The following GAB2 variants were observed in gnomAD, a reference collection of about 807,000 sequenced individuals.
GAB2 encodes the protein GRB2 associated binding protein 2.
GAB2 carries 26 observed loss-of-function variants against 65.5 expected under a neutral mutation model. The observed-to-expected ratio is 0.40, with a 90% CI of 0.29 to 0.55. The LOEUF (loss-of-function observed/expected upper bound fraction) is 0.55, where lower values mean the gene tolerates loss of function less well. GAB2 is among the 20% of genes least tolerant of loss of function. The pLI is 0.53. For synonymous variants in GAB2, 321 were observed against 329.6 expected (o/e 0.97, Z 0.28); for missense variants, 884 against 875.8 (o/e 1.01, Z -0.12).
chr11:78,290,929 G>A (rs1866648385), intron 1 of GAB2, among the ~76,000 whole-genome samples: 1 of 152,126 alleles, frequency 6.6e-6, no homozygotes, highest in South Asian at 2.1e-4. Flanking sequence ...AGCAAACTTT[G>A]TTAAGGATGT....
chr11:78,256,853 T>C (rs149036819), intron 2 of GAB2, among the ~76,000 whole-genome samples: 106 of 152,226 alleles, frequency 7.0e-4, no homozygotes, highest in African/African-American at 2.5e-3. Flanking sequence ...GCTGGGGTGT[T>C]TTTGGTACTT....
chr11:78,234,766 T>C (rs1864939976), intron 3 of GAB2, among the ~76,000 whole-genome samples: 1 of 152,088 alleles, frequency 6.6e-6, no homozygotes, highest in Admixed American at 6.5e-5. Context: ...TGAAATCAAG[T>C]AATATAAATC....
rs183382819 is a variant in GAB2 at position 78,389,552 on chromosome 11, C to T, written c.75+28094G>A. 3.5e-3 allele frequency among the ~76,000 whole-genome samples: 530 copies of T among 152,340 alleles called. 5 individuals are homozygous for T. Among genetic ancestry groups the T allele is most frequent in the African/African-American group, 0.011 (477 of 41,578 alleles). On this transcript the variant is annotated intron_variant, in intron 1 of 9. Coordinates refer to ENST00000361507, the MANE Select transcript of GAB2 (RefSeq NM_080491.3). ...CGAACTCCCAACCTCAGGTGATCCACCCACCTCGGCTTCCCAAAGTGCTGG... is the reference window on the plus strand; with the variant it reads ...CGAACTCCCAACCTCAGGTGATCCATCCACCTCGGCTTCCCAAAGTGCTGG...
intron 1 of GAB2, among the ~76,000 whole-genome samples, chr11:78,304,146 T>C (rs1162244176): frequency 6.6e-6 from 1 of 152,140 alleles, no homozygotes; most frequent in Non-Finnish European, 1.5e-5. Flanking sequence ...ATTTCATTTA[T>C]CAAATTTATT....
At chr11:78,395,095 G>A (rs886081565) in intron 1 of GAB2, among the ~76,000 whole-genome samples, 9 of 152,198 alleles carry the variant, frequency 5.9e-5, no homozygotes, top group African/African-American at 2.2e-4. Flanking sequence ...AGAAATATCA[G>A]AGAGAGACTG....
chr11:78,296,933 C>A (rs1174475504), intron 1 of GAB2, among the ~76,000 whole-genome samples: 1 of 152,210 alleles, frequency 6.6e-6, no homozygotes, highest in Non-Finnish European at 1.5e-5. Flanking sequence ...CCTCAAGCTG[C>A]TTTTGTAAGG....
intron 1 of GAB2, among the ~76,000 whole-genome samples, chr11:78,389,939 A>C (rs1856814686): frequency 6.6e-6 from 1 of 151,618 alleles, no homozygotes; most frequent in Non-Finnish European, 1.5e-5. Context: ...ATAATTTTGT[A>C]CATGGATAAG....
At chr11:78,234,516 T>C (rs1864934541) in intron 3 of GAB2, among the ~76,000 whole-genome samples, 1 of 151,130 alleles carries the variant, frequency 6.6e-6, no homozygotes, top group Non-Finnish European at 1.5e-5. Context: ...TTCAGCATCA[T>C]TTGCAGAACA....
chr11:78,283,228 T>C (rs1056380317), intron 1 of GAB2, among the ~76,000 whole-genome samples: 6 of 152,244 alleles, frequency 3.9e-5, no homozygotes, highest in Non-Finnish European at 7.3e-5. Flanking sequence ...ACATGTTCCA[T>C]GACTACATTT....
intron 1 of GAB2, among the ~76,000 whole-genome samples, chr11:78,379,843 G>C (rs934614738): frequency 6.6e-6 from 1 of 152,170 alleles, no homozygotes; most frequent in African/African-American, 2.4e-5. Context: ...CTTCTAGTAA[G>C]ACCAAGAAAG....
intron 1 of GAB2, among the ~76,000 whole-genome samples, chr11:78,310,375 C>G (rs6592773): frequency 2.0e-5 from 3 of 149,298 alleles, no homozygotes; most frequent in African/African-American, 2.5e-5. Flanking sequence ...TAGCCGGGCA[C>G]GGTGGTGGGC....
chr11:78,380,375 T>C (rs1488279077), intron 1 of GAB2, among the ~76,000 whole-genome samples: 1 of 152,166 alleles, frequency 6.6e-6, no homozygotes, highest in Non-Finnish European at 1.5e-5. Flanking sequence ...CAGCTAATTT[T>C]TGTATTTTTA....
intron 1 of GAB2, among the ~76,000 whole-genome samples, chr11:78,412,726 T>G (rs1857144865): frequency 6.6e-6 from 1 of 152,228 alleles, no homozygotes; most frequent in Non-Finnish European, 1.5e-5. Flanking sequence ...CAAAATGAAA[T>G]GTTTAATTTT....
At chr11:78,402,325 T>TG (rs1459377952) in intron 1 of GAB2, among the ~76,000 whole-genome samples, 1 of 152,054 alleles carries the variant, frequency 6.6e-6, no homozygotes, top group Non-Finnish European at 1.5e-5. Context: ...AAGCCTTTGC[T>TG]TTTTTTTCTT....
chr11:78,244,596 G>A (rs902846444), intron 3 of GAB2, among the ~76,000 whole-genome samples: 1 of 138,780 alleles, frequency 7.2e-6, no homozygotes, highest in African/African-American at 2.7e-5. Flanking sequence ...AAATAATGGA[G>A]TTGAGGCAAA....
intron 3 of GAB2, among the ~76,000 whole-genome samples, chr11:78,243,072 A>G (rs1204826701): frequency 6.6e-6 from 1 of 151,608 alleles, no homozygotes; most frequent in Non-Finnish European, 1.5e-5. Flanking sequence ...TAAGGCATGA[A>G]AATCGCTGGA....
intron 8 of GAB2, among the ~76,000 whole-genome samples, chr11:78,221,357 CCACTGAGGAGATACCTCCAG>C (rs1488152347): frequency 1.3e-5 from 2 of 152,176 alleles, no homozygotes; most frequent in Non-Finnish European, 2.9e-5. Flanking sequence ...GATACCTCCA[CCACTGAGGAGATACCTCCAG>C]CACTGCCTAT....
intron 1 of GAB2, among the ~76,000 whole-genome samples, chr11:78,364,854 T>C (rs1351541629): frequency 6.6e-6 from 1 of 152,176 alleles, no homozygotes; most frequent in Non-Finnish European, 1.5e-5. Context: ...GATTTGGACA[T>C]ATGTAATGTT....
At chr11:78,381,520 T>A (rs1856697091) in intron 1 of GAB2, among the ~76,000 whole-genome samples, 1 of 152,146 alleles carries the variant, frequency 6.6e-6, no homozygotes. Flanking sequence ...ATTTAAGAAA[T>A]GGCTCTTCCT....
Sources: gnomAD v4.1 joint callset for allele counts (sites outside exome capture counted in the v4.1 genomes callset) on GRCh38, gnomAD v4.1.1 for gene constraint, MANE v1.5 for transcripts, NCBI Gene and HGNC (gene_info 2026-07-23, HGNC 2026-07-21) for gene names.